The following SHROOM4 variants were observed in gnomAD, a reference collection of about 807,000 sequenced individuals.
SHROOM4 encodes the protein protein Shroom4.
Under a neutral mutation model 80.3 loss-of-function variants are expected in SHROOM4, and 17 were observed. That is an observed-to-expected ratio of 0.21 (90% confidence interval 0.14 to 0.32). The LOEUF is 0.32. Ranked by LOEUF, SHROOM4 falls within the 10% of genes least tolerant of loss-of-function variation. The probability of loss-of-function intolerance (pLI) is 1.00; values close to 1 mark genes in which losing one functional copy is unlikely to be tolerated. For synonymous variants in SHROOM4, 400 were observed against 437.5 expected (o/e 0.91, Z 1.07); for missense variants, 993 against 1,140.3 (o/e 0.87, Z 1.86).
downstream of SHROOM4, among the ~76,000 whole-genome samples, chrX:50,585,869 T>C (rs183353151): frequency 5.5e-3 from 586 of 107,078 alleles, 7 homozygotes; most frequent in Non-Finnish European, 9.3e-3. Flanking sequence ...TTTTTTTTTA[T>C]AAAAGATTTT....
chrX:50,766,351 GAC>G (rs1188132337), intron 1 of SHROOM4, among the ~76,000 whole-genome samples: 1 of 109,927 alleles, frequency 9.1e-6, no homozygotes, highest in African/African-American at 3.3e-5. Context: ...GAGACAGAAA[GAC>G]ACACACACAC....
intron 1 of SHROOM4, among the ~76,000 whole-genome samples, chrX:50,791,981 G>A: frequency 9.0e-6 from 1 of 111,063 alleles, no homozygotes; most frequent in Middle Eastern, 4.7e-3. Context: ...GAATGGTATG[G>A]GAAAACTGGA....
intron 2 of SHROOM4, among the ~76,000 whole-genome samples, chrX:50,669,721 G>A: frequency 8.9e-6 from 1 of 112,185 alleles, no homozygotes; most frequent in East Asian, 2.8e-4. Flanking sequence ...ATCTTCACCA[G>A]GAGTAGATTC....
intron 1 of SHROOM4, among the ~76,000 whole-genome samples, chrX:50,777,395 G>A (rs782163021): frequency 2.7e-5 from 3 of 112,125 alleles, no homozygotes; most frequent in South Asian, 7.4e-4. Flanking sequence ...ATTATCAGAT[G>A]TTTAAATGAG....
chrX:50,616,033 T>C (rs1557250734), intron 5 of SHROOM4, among the ~76,000 whole-genome samples: 1 of 112,117 alleles, frequency 8.9e-6, no homozygotes, highest in East Asian at 2.8e-4. Context: ...GCCTTGTCAA[T>C]GCCGTCCTTA....
intron 5 of SHROOM4, among the ~76,000 whole-genome samples, chrX:50,623,481 C>G (rs782379507): frequency 5.4e-5 from 6 of 111,783 alleles, no homozygotes; most frequent in South Asian, 3.8e-4. Context: ...AGCCACCGCG[C>G]CGGGCCCCTT....
intron 1 of SHROOM4, among the ~76,000 whole-genome samples, chrX:50,760,537 T>C (rs1331609879): frequency 9.1e-6 from 1 of 109,971 alleles, no homozygotes; most frequent in African/African-American, 3.3e-5. Context: ...GGGATCTTAC[T>C]ATATTGCTCA....
intron 1 of SHROOM4, among the ~76,000 whole-genome samples, chrX:50,770,798 C>G (rs1398971097): frequency 9.0e-6 from 1 of 111,419 alleles, no homozygotes; most frequent in African/African-American, 3.3e-5. Context: ...CATACAGGCC[C>G]CCAGTCTGTT....
In SHROOM4 at chrX:50,634,245, A is replaced by C. The variant is rs1931219769; in HGVS notation, c.1828T>G (p.Leu610Val). ...TCCTTAGTGTCACACAGCTGTGACA[A>C]GGGACCCTTGCTTTTCTGGAGCTGG... The part of the protein sequence containing the change: ...KAQLQKSKGP[L>V]SQLCDTKEPV... Residue 610 changes from leucine to valine, a missense_variant, in exon 4 of 9, where the codon TTG becomes GTG. By Grantham distance (32) the Leu-to-Val change is conservative (BLOSUM62 1). Transcript: ENST00000376020. The C allele has an allele frequency of 2.5e-6, 3 of 1,209,466 alleles. No individual in the cohort carries two copies. Among genetic ancestry groups the C allele is most frequent in the African/African-American group, 3.5e-5 (2 of 56,981 alleles).
At chrX:50,737,671 T>C (rs1934528791) in intron 1 of SHROOM4, among the ~76,000 whole-genome samples, 1 of 110,931 alleles carries the variant, frequency 9.0e-6, no homozygotes, top group Non-Finnish European at 1.9e-5. Flanking sequence ...GGCTCTGAAA[T>C]TGAGGCAATA....
chrX:50,734,745 A>G (rs1934445287), intron 1 of SHROOM4, among the ~76,000 whole-genome samples: 1 of 111,151 alleles, frequency 9.0e-6, no homozygotes, highest in South Asian at 3.9e-4. Context: ...AGCTCCCATA[A>G]TTCCCATGTG....
At chrX:50,715,876 A>T (rs1262322075) in intron 1 of SHROOM4, among the ~76,000 whole-genome samples, 2 of 110,926 alleles carry the variant, frequency 1.8e-5, no homozygotes, top group African/African-American at 6.5e-5. Flanking sequence ...AAAAAAAAAA[A>T]AAAGGAAATC....
chrX:50,685,083 G>C (rs1467010445), intron 2 of SHROOM4, among the ~76,000 whole-genome samples: 1 of 111,719 alleles, frequency 9.0e-6, no homozygotes, highest in East Asian at 2.8e-4. Flanking sequence ...AGATTAATTT[G>C]GCAGAAGTGC....
intron 1 of SHROOM4, among the ~76,000 whole-genome samples, chrX:50,728,411 A>G (rs1317999569): frequency 8.9e-6 from 1 of 112,224 alleles, no homozygotes; most frequent in Non-Finnish European, 1.9e-5. Context: ...TCCTGGGGTC[A>G]CCAACATCAC....
chrX:50,581,603 A>G, the SHROOM4 span, among the ~76,000 whole-genome samples: 1 of 111,997 alleles, frequency 8.9e-6, no homozygotes, highest in African/African-American at 3.2e-5. Flanking sequence ...GGTCAACACC[A>G]TTAGAGGGTA....
chrX:50,616,790 G>A (rs1219728558), intron 5 of SHROOM4, among the ~76,000 whole-genome samples: 2 of 111,619 alleles, frequency 1.8e-5, no homozygotes, highest in African/African-American at 6.5e-5. Context: ...GAGTAAAAGG[G>A]TTGGGAGTGC....
chrX:50,786,896 T>G (rs1234764156), intron 1 of SHROOM4, among the ~76,000 whole-genome samples: 2 of 110,539 alleles, frequency 1.8e-5, no homozygotes, highest in Non-Finnish European at 3.8e-5. Context: ...AAGTAAAAAT[T>G]TCAAAAAAGA....
At chrX:50,696,026 A>T (rs781872707) in intron 1 of SHROOM4, 89 bp from the exon 2 acceptor site, 2 of 1,050,723 alleles carry the variant, frequency 1.9e-6, no homozygotes, top group South Asian at 3.9e-5. Flanking sequence ...TGGAGCCACA[A>T]GTAGTACTGG....
chrX:50,665,242 T>A (rs1460712804), intron 2 of SHROOM4, among the ~76,000 whole-genome samples: 1 of 110,865 alleles, frequency 9.0e-6, no homozygotes, highest in Admixed American at 9.7e-5. Flanking sequence ...TTAACCCTCA[T>A]CCAATCAAAG....
Sources: allele counts gnomAD v4.1 joint callset (sites outside exome capture counted in the v4.1 genomes callset), GRCh38; gene constraint gnomAD v4.1.1; transcripts MANE v1.5; gene names NCBI Gene and HGNC (gene_info 2026-07-23, HGNC 2026-07-21).